The following ATRX variants were observed in gnomAD, a reference collection of about 807,000 sequenced individuals.
ATRX encodes the protein chromatin remodeler ATRX.
Under a neutral mutation model 172.6 loss-of-function variants are expected in ATRX, and 12 were observed. That is an observed-to-expected ratio of 0.07 (90% confidence interval 0.04 to 0.11). ATRX has a LOEUF of 0.11. Ranked by LOEUF, ATRX falls within the 10% of genes least tolerant of loss-of-function variation. The pLI is 1.00. For synonymous variants in ATRX, 674 were observed against 594.7 expected, an observed-to-expected ratio of 1.13 and a Z score of -1.94; for missense variants, 1,368 against 1,767.4, an observed-to-expected ratio of 0.77 and a Z score of 4.05.
intron 1 of ATRX, among the ~76,000 whole-genome samples, chrX:77,780,064 C>T (rs933141449): frequency 2.7e-5 from 3 of 111,925 alleles, no homozygotes; most frequent in Non-Finnish European, 5.6e-5. Context: ...CAAAATAGAA[C>T]ATATCCTAAG....
At chrX:77,685,802 A>G (rs1557143535) in intron 7 of ATRX, among the ~76,000 whole-genome samples, 1 of 112,131 alleles carries the variant, frequency 8.9e-6, no homozygotes, top group African/African-American at 3.2e-5. Flanking sequence ...GTGCCCATCA[A>G]CAGATAAGTA....
intron 5 of ATRX, among the ~76,000 whole-genome samples, chrX:77,695,061 C>CAA (rs200336160): frequency 1.0e-4 from 9 of 89,995 alleles, no homozygotes; most frequent in Non-Finnish European, 1.3e-4. Context: ...ACAACAACGA[C>CAA]AAAAAAAAAA....
At chrX:77,512,540 AAAAC>A (rs1407457329) in intron 34 of ATRX, among the ~76,000 whole-genome samples, 1 of 112,721 alleles carries the variant, frequency 8.9e-6, no homozygotes, top group Non-Finnish European at 1.9e-5. Flanking sequence ...TAACTTCAAA[AAAAC>A]AAACATACAA....
intron 25 of ATRX, among the ~76,000 whole-genome samples, chrX:77,598,992 C>G (rs933002404): frequency 2.7e-5 from 3 of 111,624 alleles, no homozygotes; most frequent in African/African-American, 6.5e-5. Flanking sequence ...TGAAATGTTT[C>G]CATTTATTCC....
intron 2 of ATRX, among the ~76,000 whole-genome samples, chrX:77,699,268 G>A (rs2072369198): frequency 9.1e-6 from 1 of 110,346 alleles, no homozygotes; most frequent in South Asian, 3.9e-4. Context: ...CAGGTAGCTG[G>A]GACTACAGGC....
At position 77,684,317 on chromosome X, in the gene ATRX, G is replaced by A. The variant is rs2148634168; in HGVS notation, c.939C>T (p.Ser313=). The A allele has an allele frequency of 8.3e-7, 1 of 1,208,245 alleles. No homozygotes were observed. Among genetic ancestry groups the A allele is most frequent in the Non-Finnish European group, 1.1e-6 (1 of 892,663 alleles). ...AACTAGTCTTCTTTGGAGAAAATCTGGATGTATGTTCATATACTTTATTAC... is the reference window on the plus strand; with the variant it reads ...AACTAGTCTTCTTTGGAGAAAATCTAGATGTATGTTCATATACTTTATTAC... ...EKSNKVYEHT[S]RFSPKKTSSN... is the part of the protein sequence containing the mutation. Residue 313 remains serine (S), a synonymous_variant, in exon 9 of 35, where the codon TCC becomes TCT. Coordinates refer to ENST00000373344, the MANE Select transcript of ATRX (RefSeq NM_000489.6).
chrX:77,768,746 A>G (rs782635360), intron 1 of ATRX, among the ~76,000 whole-genome samples: 39 of 111,920 alleles, frequency 3.5e-4, no homozygotes, highest in Non-Finnish European at 6.2e-4. Context: ...GCAAAACACT[A>G]TCCATACCAT....
At chrX:77,745,818 C>T (rs1244257194) in intron 1 of ATRX, among the ~76,000 whole-genome samples, 1 of 111,384 alleles carries the variant, frequency 9.0e-6, no homozygotes, top group Non-Finnish European at 1.9e-5. Flanking sequence ...AGGATAAATG[C>T]TTGGTGATGG....
At position 77,524,652 on chromosome X, in the gene ATRX, T is replaced by A. The variant is rs189048396; in HGVS notation, c.6700-1251A>T. On this transcript the variant is annotated intron_variant, in intron 30 of 34. Coordinates refer to ENST00000373344, the MANE Select transcript of ATRX (RefSeq NM_000489.6). ...TTAATATCTTGTAAACAACTTTTTA[T>A]CTTGCTACCCCAATAAACATTTGAA... Among the ~76,000 whole-genome samples the A allele has an allele frequency of 9.5e-4, 106 of 111,649 alleles. 1 individual carries two copies. The highest frequency in any genetic ancestry group is 1.8e-3 in the Non-Finnish European group (96 of 53,101).
chrX:77,733,746 T>C (rs1170687869), intron 1 of ATRX, among the ~76,000 whole-genome samples: 5 of 96,704 alleles, frequency 5.2e-5, no homozygotes, highest in African/African-American at 1.5e-4. Flanking sequence ...TAGCCAGCCA[T>C]GGTGGCAGGC....
At chrX:77,723,572 A>C (rs1281004335) in intron 1 of ATRX, among the ~76,000 whole-genome samples, 1 of 111,443 alleles carries the variant, frequency 9.0e-6, no homozygotes, top group African/African-American at 3.3e-5. Flanking sequence ...TATGGTTTCC[A>C]TATTTGGCCA....
intron 28 of ATRX, 23 bp downstream of exon 28, chrX:77,574,227 C>A: frequency 1.0e-6 from 1 of 962,182 alleles, no homozygotes; most frequent in Middle Eastern, 2.6e-4. Context: ...AATGTTTCTA[C>A]ATATACAGAA....
chrX:77,773,208 C>G lies in ATRX; in HGVS notation c.20+12774G>C, dbSNP rs1255016417. On this transcript the variant is annotated intron_variant, in intron 1 of 34. Transcript: ENST00000373344. ...TTATTTCATATGCTTAACAACAGGTCCAATCACTTTAACATGAAACATTCA... is the reference window on the plus strand; with the variant it reads ...TTATTTCATATGCTTAACAACAGGTGCAATCACTTTAACATGAAACATTCA... Among the ~76,000 whole-genome samples, 18 of 109,357 alleles carry G rather than the reference C, an allele frequency of 1.6e-4. 1 individual carries two copies. Among genetic ancestry groups the G allele is most frequent in the Non-Finnish European group, 3.4e-4 (18 of 52,742 alleles). The allele number at this position is 109,357 out of a possible 115,157, so 95.0% of individuals were successfully genotyped here.
intron 1 of ATRX, among the ~76,000 whole-genome samples, chrX:77,750,500 G>A (rs1428669206): frequency 8.1e-5 from 9 of 110,818 alleles, no homozygotes; most frequent in Admixed American, 6.7e-4. Context: ...TTTTATTAAC[G>A]CGCATAGTAA....
intron 32 of ATRX, 59 bp downstream of exon 32, chrX:77,522,204 C>T (rs2063253002): frequency 8.4e-7 from 1 of 1,195,912 alleles, no homozygotes; most frequent in East Asian, 3.0e-5. Flanking sequence ...CCCTCAACAA[C>T]AAGGCACTTG....
At chrX:77,734,579 G>A (rs2074453720) in intron 1 of ATRX, among the ~76,000 whole-genome samples, 1 of 111,206 alleles carries the variant, frequency 9.0e-6, no homozygotes, top group Admixed American at 9.6e-5. Flanking sequence ...CTGAGGTCAG[G>A]AGTTTGAGAC....
At position 77,507,327 on chromosome X, in the gene ATRX, G is replaced by A. The variant is rs782202810; in HGVS notation, c.*1024C>T. ...TTATTTCACAATACTGATAGTACTG[G>A]GAATTGTTAAAAGTACATTCCTCAT... On this transcript the variant is annotated 3_prime_UTR_variant, in exon 35 of 35. Transcript: ENST00000373344. 5.8e-6 allele frequency: 1 copy of A among 171,860 alleles called. No homozygotes were observed. Among genetic ancestry groups the A allele is most frequent in the Admixed American group, 8.0e-5 (1 of 12,476 alleles). 14.2% of individuals were successfully genotyped at this position (171,860 alleles called of 1,213,427 possible).
intron 30 of ATRX, among the ~76,000 whole-genome samples, chrX:77,546,679 T>G (rs782407222): frequency 1.8e-4 from 20 of 111,286 alleles, no homozygotes; most frequent in Non-Finnish European, 3.6e-4. Context: ...AGACAGAGTC[T>G]TGCCACGTTG....
intron 34 of ATRX, among the ~76,000 whole-genome samples, chrX:77,510,618 C>A (rs2062837379): frequency 9.0e-6 from 1 of 111,558 alleles, no homozygotes; most frequent in Admixed American, 9.5e-5. Context: ...GACTGAAGAG[C>A]CCTTGGGCCC....
Sources: allele counts gnomAD v4.1 joint callset (sites outside exome capture counted in the v4.1 genomes callset), GRCh38; gene constraint gnomAD v4.1.1; transcripts MANE v1.5; gene names NCBI Gene and HGNC (gene_info 2026-07-23, HGNC 2026-07-21).